RPS6KA5: variants seen among roughly 807,000 people sequenced by gnomAD.
The protein encoded by RPS6KA5 is ribosomal protein S6 kinase A5.
Under a neutral mutation model 85.5 loss-of-function variants are expected in RPS6KA5, and 27 were observed. That is an observed-to-expected ratio of 0.32 (90% CI 0.23 to 0.44). RPS6KA5 has a LOEUF of 0.44. Among genes scored for constraint, RPS6KA5 ranks in the 20% least tolerant of loss-of-function variants. The probability of loss-of-function intolerance (pLI) is 1.00; values close to 1 mark genes in which losing one functional copy is unlikely to be tolerated. For missense variants in RPS6KA5, 811 were observed against 980.9 expected (o/e 0.83, Z 2.31); for synonymous variants, 334 against 348.2 (o/e 0.96, Z 0.46).
rs2032024987 is a variant in RPS6KA5, at chr14:90,852,082, A to AT, written c.*19991_*19992insA. 2.7e-5 allele frequency: 2 copies of AT among 75,236 alleles called. No individual in the cohort carries two copies. Among genetic ancestry groups the AT allele is most frequent in the Admixed American group, 1.4e-4 (1 of 7,064 alleles). 4.7% of individuals were successfully genotyped at this position (75,236 alleles called of 1,614,324 possible). ...ATCGGTATCTTTTCTTTAAAAAATC[A>AT]CTTTTTTTTTTTTTTTTTTTTTTTT... On this transcript the variant is annotated 3_prime_UTR_variant, in exon 17 of 17. Coordinates refer to ENST00000614987, the MANE Select transcript of RPS6KA5 (RefSeq NM_004755.4).
chr14:90,942,931 C>T (rs2037652595), intron 5 of RPS6KA5, 147 bp downstream of exon 5: 1 of 627,602 alleles, frequency 1.6e-6, no homozygotes, highest in South Asian at 2.0e-5. Context: ...GAATTTTAAA[C>T]TAAAAATCTC....
intron 14 of RPS6KA5, among the ~76,000 whole-genome samples, chr14:90,881,497 CTT>C (rs1237983639): frequency 6.6e-6 from 1 of 150,990 alleles, no homozygotes; most frequent in African/African-American, 2.4e-5. Flanking sequence ...CTCCTGAGCT[CTT>C]TTTTGTTTGT....
intron 1 of RPS6KA5, among the ~76,000 whole-genome samples, chr14:91,013,037 C>T (rs1432900045): frequency 6.6e-6 from 1 of 152,164 alleles, no homozygotes; most frequent in Non-Finnish European, 1.5e-5. Flanking sequence ...CTGTGAACAT[C>T]CATCCTCACA....
intron 14 of RPS6KA5, among the ~76,000 whole-genome samples, chr14:90,878,114 A>G (rs1243348455): frequency 1.3e-5 from 2 of 152,230 alleles, no homozygotes; most frequent in Admixed American, 1.3e-4. Context: ...GGGTAACTCA[A>G]TACAACTGTC....
At chr14:91,059,820 C>A (rs940623851) in intron 1 of RPS6KA5, among the ~76,000 whole-genome samples, 1 of 152,250 alleles carries the variant, frequency 6.6e-6, no homozygotes, top group African/African-American at 2.4e-5. Flanking sequence ...GGTAAAAGCC[C>A]GAGGCGAAAC....
chr14:90,963,723 G>C (rs1414352682), intron 3 of RPS6KA5, among the ~76,000 whole-genome samples: 3 of 152,154 alleles, frequency 2.0e-5, no homozygotes, highest in African/African-American at 7.2e-5. Context: ...TCAACTCCAG[G>C]TAAATGGGAT....
At position 90,864,642 on chromosome 14, in the gene RPS6KA5, C is replaced by G. The variant is rs1162303646; in HGVS notation, c.*7432G>C. On this transcript the variant is annotated 3_prime_UTR_variant, in exon 17 of 17. Coordinates refer to ENST00000614987, the MANE Select transcript of RPS6KA5 (RefSeq NM_004755.4). The stretch of plus-strand genomic sequence containing the variant: ...TTATGGTAAAATATCAGACAAAAAC[C>G]CTCATATCCATAAAATATAAAAGAC... 1 of 151,806 alleles carries G rather than the reference C, an allele frequency of 6.6e-6. No individual in the cohort carries two copies. The highest frequency in any genetic ancestry group is 2.4e-5 in the African/African-American group (1 of 41,302). 9.4% of individuals were successfully genotyped at this position (151,806 alleles called of 1,614,324 possible). A position where few individuals can be genotyped will look rare whatever the true frequency, so the allele number is the denominator to read the frequency against.
chr14:90,900,717 G>A lies in RPS6KA5; in HGVS notation c.1139C>T (p.Pro380Leu). ...KLFQGYSFVAPSILFKRNAAV... is the reference protein window; with the variant it reads ...KLFQGYSFVALSILFKRNAAV... ...TGCATTACGCTTGAATAGGATGGAA[G>A]GAGCAACAAAGGAATAGCCCTAAAA... Residue 380 changes from proline to leucine, a missense_variant, in exon 10 of 17, where the codon CCT (proline) becomes CTT (leucine). Around this residue, in one of 3 missense-constraint regions of RPS6KA5, gnomAD observed 650 missense variants for 793.4 expected, o/e 0.82. Transcript: ENST00000614987. The A allele has an allele frequency of 6.2e-7, 1 of 1,612,116 alleles. No homozygotes were observed. Among genetic ancestry groups the A allele is most frequent in the Non-Finnish European group, 8.5e-7 (1 of 1,179,306 alleles).
intron 1 of RPS6KA5, among the ~76,000 whole-genome samples, chr14:91,011,384 G>T (rs1297424109): frequency 6.6e-6 from 1 of 152,142 alleles, no homozygotes; most frequent in Non-Finnish European, 1.5e-5. Context: ...TACTCAGGGG[G>T]CTGAGGCAGA....
At position 90,870,769 on chromosome 14, in the gene RPS6KA5, T is replaced by C. The variant is rs1409237507; in HGVS notation, c.*1305A>G. On this transcript the variant is annotated 3_prime_UTR_variant, in exon 17 of 17. Transcript: ENST00000614987. ...CAGTCCTGACATTTCACATGATGGC[T>C]TTAAAAGAAAATATAACACACAAAC... 2 of 151,072 alleles carry C rather than the reference T, an allele frequency of 1.3e-5. No homozygotes were observed. Among genetic ancestry groups the C allele is most frequent in the Non-Finnish European group, 3.0e-5 (2 of 67,780 alleles). 9.4% of individuals were successfully genotyped at this position (151,072 alleles called of 1,614,324 possible).
chr14:90,890,344 A>C (rs2034480122), intron 14 of RPS6KA5, 143 bp downstream of exon 14: 1 of 510,248 alleles, frequency 2.0e-6, no homozygotes, highest in Non-Finnish European at 3.4e-6. Flanking sequence ...AATACTATTC[A>C]GTCAGGCCTC....
Position 90,851,060 on chromosome 14 carries a change from CAG to C in RPS6KA5, c.*21012_*21013del, listed in dbSNP as rs2031974944. The C allele has an allele frequency of 6.6e-6, 1 of 151,576 alleles. No individual in the cohort carries two copies. The highest frequency in any genetic ancestry group is 2.1e-4 in the South Asian group (1 of 4,820). The allele number at this position is 151,576 out of a possible 1,614,324, so 9.4% of individuals were successfully genotyped here. A position where few individuals can be genotyped will look rare whatever the true frequency, so the allele number is the denominator to read the frequency against. On this transcript the variant is annotated 3_prime_UTR_variant, in exon 17 of 17. Coordinates refer to ENST00000614987, the MANE Select transcript of RPS6KA5 (RefSeq NM_004755.4). ...CTTTTATTTTATTTTTTTTTTGAGACAGAGTCTCACTCTGCCCCCCAGGCTGG... is the reference window on the plus strand; with the variant it reads ...CTTTTATTTTATTTTTTTTTTGAGACAGTCTCACTCTGCCCCCCAGGCTGG...
At chr14:90,873,126 C>G (rs2033228759) in intron 16 of RPS6KA5, among the ~76,000 whole-genome samples, 1 of 152,148 alleles carries the variant, frequency 6.6e-6, no homozygotes. Context: ...CATGAATTAT[C>G]TTAATATATT....
intron 7 of RPS6KA5, among the ~76,000 whole-genome samples, chr14:90,916,924 C>T (rs577860496): frequency 1.3e-5 from 2 of 152,278 alleles, no homozygotes; most frequent in African/African-American, 4.8e-5. Flanking sequence ...TCAGAATATT[C>T]TTGCCATCAT....
chr14:90,976,898 T>TA, intron 3 of RPS6KA5, among the ~76,000 whole-genome samples: 1 of 152,234 alleles, frequency 6.6e-6, no homozygotes, highest in Non-Finnish European at 1.5e-5. Flanking sequence ...ATTTCTAATA[T>TA]AAAAGCACTC....
chr14:91,037,983 T>C (rs2042468047), intron 1 of RPS6KA5, among the ~76,000 whole-genome samples: 1 of 152,236 alleles, frequency 6.6e-6, no homozygotes, highest in Non-Finnish European at 1.5e-5. Flanking sequence ...TGAGATTGTG[T>C]CTAGCTATTG....
intron 2 of RPS6KA5, among the ~76,000 whole-genome samples, chr14:90,981,842 T>C (rs79329923): frequency 0.025 from 3,762 of 152,358 alleles, 77 homozygotes; most frequent in Non-Finnish European, 0.034. Flanking sequence ...GATAACGATC[T>C]TACTTCTAAG....
Position 90,900,707 on chromosome 14 carries a change from T to A in RPS6KA5, c.1149A>T (p.Leu383=), listed in dbSNP as rs1253282085. The change falls in exon 10 of 17, where the codon CTA becomes CTT. Residue 383 remains leucine (L), a synonymous_variant. Transcript: ENST00000614987. ...CTATGACAGCTGCATTACGCTTGAATAGGATGGAAGGAGCAACAAAGGAAT... is the reference window on the plus strand; with the variant it reads ...CTATGACAGCTGCATTACGCTTGAAAAGGATGGAAGGAGCAACAAAGGAAT... ...QGYSFVAPSI[L]FKRNAAVIDP... The A allele has an allele frequency of 6.2e-7, 1 of 1,613,564 alleles. No homozygotes were observed. The highest frequency in any genetic ancestry group is 8.5e-7 in the Non-Finnish European group (1 of 1,179,790).
intron 2 of RPS6KA5, among the ~76,000 whole-genome samples, chr14:90,981,470 A>G (rs2039786340): frequency 6.6e-6 from 1 of 152,208 alleles, no homozygotes; most frequent in Non-Finnish European, 1.5e-5. Context: ...TTCACTCAAA[A>G]TATGCATGAA....
Sources: gnomAD v4.1 joint callset for allele counts (sites outside exome capture counted in the v4.1 genomes callset) on GRCh38, gnomAD v4.1.1 for gene constraint, gnomAD v4.1.1 regional missense constraint, MANE v1.5 for transcripts, NCBI Gene and HGNC (gene_info 2026-07-23, HGNC 2026-07-21) for gene names.